Variants in THSD7A observed in about 807,000 individuals in gnomAD.
THSD7A encodes the protein thrombospondin type-1 domain-containing protein 7A.
A neutral mutation model predicts 231.3 loss-of-function variants in THSD7A; 96 were observed. That is an observed-to-expected ratio of 0.41 (90% CI 0.35 to 0.49). The LOEUF (loss-of-function observed/expected upper bound fraction) is 0.49. Ranked by LOEUF, THSD7A falls within the 20% of genes least tolerant of loss-of-function variation. THSD7A has a pLI of 0.05. For synonymous variants in THSD7A, 940 were observed against 743.3 expected (o/e 1.26, Z -4.30); for missense variants, 2,290 against 2,070.2 (o/e 1.11, Z -2.06).
chr7:11,546,202 G>GCGCACGCGCACACACACACACACACACA (rs761841418), intron 4 of THSD7A, among the ~76,000 whole-genome samples: 11 of 129,450 alleles, frequency 8.5e-5, no homozygotes, highest in South Asian at 2.3e-4. Flanking sequence ...GTGGGCGCGC[G>GCGCACGCGCACACACACACACACACACA]CTCACACACA....
At chr7:11,787,744 T>C (rs1783835345) in intron 1 of THSD7A, among the ~76,000 whole-genome samples, 2 of 152,090 alleles carry the variant, frequency 1.3e-5, no homozygotes, top group Admixed American at 6.6e-5. Flanking sequence ...TTCAAAACCA[T>C]GACAACATCT....
At chr7:11,476,335 A>G (rs1342642806) in intron 7 of THSD7A, among the ~76,000 whole-genome samples, 4 of 150,732 alleles carry the variant, frequency 2.7e-5, no homozygotes, top group Non-Finnish European at 4.4e-5. Context: ...ACACACACAC[A>G]CACACACACA....
At position 11,521,466 on chromosome 7, in the gene THSD7A, T is replaced by A. The variant is rs1397217209; in HGVS notation, c.1822+19953A>T. On this transcript the variant is annotated intron_variant, in intron 6 of 27. Coordinates refer to ENST00000423059, the MANE Select transcript of THSD7A (RefSeq NM_015204.3). ...ACTGAGACAGGGCCACATTCTTTTT[T>A]ATTTTTTTATTTTATTTATTTATTT... 3.6e-5 allele frequency among the ~76,000 whole-genome samples: 4 copies of A among 110,998 alleles called. 1 individual carries two copies. Among genetic ancestry groups the A allele is most frequent in the Non-Finnish European group, 7.3e-5 (4 of 54,452 alleles). The allele number at this position is 110,998 out of a possible 152,430, so 72.8% of individuals were successfully genotyped here.
chr7:11,627,225 G>A (rs1024177682), intron 2 of THSD7A, among the ~76,000 whole-genome samples: 1 of 151,698 alleles, frequency 6.6e-6, no homozygotes, highest in African/African-American at 2.4e-5. Flanking sequence ...CTCTGCACAT[G>A]TAACCCAGAA....
intron 6 of THSD7A, among the ~76,000 whole-genome samples, chr7:11,493,302 T>C (rs1665243117): frequency 6.6e-6 from 1 of 152,014 alleles, no homozygotes; most frequent in African/African-American, 2.4e-5. Flanking sequence ...TGGGCCAAGA[T>C]GGAACTCTGG....
chr7:11,651,486 A>ACTATCTATCATCTATCTAT (rs373522018), intron 1 of THSD7A, among the ~76,000 whole-genome samples: 9 of 149,780 alleles, frequency 6.0e-5, no homozygotes, highest in African/African-American at 2.2e-4. Context: ...CTATCTATCA[A>ACTATCTATCATCTATCTAT]CTATCTATCT....
Position 11,370,639 on chromosome 7 carries a change from ATAAAT to A in THSD7A, c.*5150_*5154del, listed in dbSNP as rs1782016676. ...AAAAAGGAAATGTACATAATGTAAAATAAATTACATTACGCAATTTACAAAGTAAT... is the reference window on the plus strand; with the variant it reads ...AAAAAGGAAATGTACATAATGTAAAATACATTACGCAATTTACAAAGTAAT... On this transcript the variant is annotated 3_prime_UTR_variant, in exon 28 of 28. Coordinates refer to ENST00000423059, the MANE Select transcript of THSD7A (RefSeq NM_015204.3). 1 of 152,224 alleles carries A rather than the reference ATAAAT, an allele frequency of 6.6e-6. No homozygotes were observed. The highest frequency in any genetic ancestry group is 1.5e-5 in the Non-Finnish European group (1 of 68,036). The allele number at this position is 152,224 out of a possible 1,614,324, so 9.4% of individuals were successfully genotyped here. A position where few individuals can be genotyped will look rare whatever the true frequency, so the allele number is the denominator to read the frequency against.
chr7:11,430,430 T>G (rs978712529), intron 13 of THSD7A, among the ~76,000 whole-genome samples: 3 of 152,308 alleles, frequency 2.0e-5, no homozygotes, highest in Non-Finnish European at 4.4e-5. Context: ...AATCTAGACA[T>G]TTCATATAAA....
At chr7:11,566,568 A>G (rs1790336142) in intron 4 of THSD7A, among the ~76,000 whole-genome samples, 1 of 152,218 alleles carries the variant, frequency 6.6e-6, no homozygotes. Flanking sequence ...TAGAGATGCC[A>G]TGTACATTCC....
At chr7:11,705,270 A>G (rs1780727856) in intron 1 of THSD7A, among the ~76,000 whole-genome samples, 1 of 151,060 alleles carries the variant, frequency 6.6e-6, no homozygotes, top group African/African-American at 2.4e-5. Flanking sequence ...GAGTCCCAGA[A>G]ACAGTTAAAT....
intron 4 of THSD7A, among the ~76,000 whole-genome samples, chr7:11,589,155 CT>C (rs1034224221): frequency 2.0e-5 from 3 of 152,072 alleles, no homozygotes; most frequent in Non-Finnish European, 4.4e-5. Context: ...AAATATTCTC[CT>C]TTTTTGGTAT....
chr7:11,785,663 C>T (rs982505216), intron 1 of THSD7A, among the ~76,000 whole-genome samples: 12 of 152,034 alleles, frequency 7.9e-5, no homozygotes, highest in African/African-American at 2.9e-4. Flanking sequence ...CCTCCATATT[C>T]AAGAAATCCA....
intron 1 of THSD7A, among the ~76,000 whole-genome samples, chr7:11,673,691 G>C (rs1783509102): frequency 6.6e-6 from 1 of 152,180 alleles, no homozygotes; most frequent in South Asian, 2.1e-4. Flanking sequence ...CATGGGAGCA[G>C]GATGCTCCTT....
chr7:11,668,349 C>T (rs373300500), intron 1 of THSD7A, among the ~76,000 whole-genome samples: 139 of 151,734 alleles, frequency 9.2e-4, no homozygotes, highest in African/African-American at 3.1e-3. Context: ...AACCGGGAGG[C>T]GGAGGTTGCA....
rs1481417044 is a variant in THSD7A at position 11,474,580 on chromosome 7, G to C, written c.2018-12C>G. On this transcript the variant is annotated splice_polypyrimidine_tract_variant and intron_variant, in intron 7 of 27. Coordinates refer to ENST00000423059, the MANE Select transcript of THSD7A (RefSeq NM_015204.3). The surrounding 1 kb of genome is among the most constrained non-coding windows in gnomAD (Gnocchi z 4.1). ...ACAGCGAATTCCACCTAAAAACATG[G>C]ACAATGATAGCAAATTAGATACGGT... The C allele has an allele frequency of 8.2e-6, 13 of 1,578,364 alleles. No individual in the cohort carries two copies. The highest frequency in any genetic ancestry group is 8.7e-6 in the Non-Finnish European group (10 of 1,153,512).
chr7:11,397,351 T>C (rs944579466), intron 23 of THSD7A, among the ~76,000 whole-genome samples: 3 of 152,178 alleles, frequency 2.0e-5, no homozygotes, highest in Non-Finnish European at 4.4e-5. Flanking sequence ...GAAAACTGGC[T>C]AGCCATATGC....
At chr7:11,564,319 T>G (rs1790211143) in intron 4 of THSD7A, among the ~76,000 whole-genome samples, 1 of 152,202 alleles carries the variant, frequency 6.6e-6, no homozygotes, top group Non-Finnish European at 1.5e-5. Context: ...TTGTAACAGA[T>G]AGGGACAGAT....
intron 6 of THSD7A, among the ~76,000 whole-genome samples, chr7:11,507,572 T>C (rs1280570514): frequency 6.6e-6 from 1 of 150,470 alleles, no homozygotes; most frequent in Non-Finnish European, 1.5e-5. Flanking sequence ...GCTCTACAAG[T>C]TCACTGACTC....
chr7:11,389,108 G>C (rs1474488703), intron 23 of THSD7A, among the ~76,000 whole-genome samples: 1 of 152,268 alleles, frequency 6.6e-6, no homozygotes, highest in East Asian at 1.9e-4. Context: ...TTCTGTAGAA[G>C]TCTATTAGGT....
Sources: gnomAD v4.1 joint callset for allele counts (sites outside exome capture counted in the v4.1 genomes callset) on GRCh38, gnomAD v4.1.1 for gene constraint, Gnocchi (gnomAD v3.1) non-coding constraint, MANE v1.5 for transcripts, NCBI Gene and HGNC (gene_info 2026-07-23, HGNC 2026-07-21) for gene names.